The following LRRC37B variants were observed in gnomAD, a reference collection of about 807,000 sequenced individuals.
LRRC37B encodes the protein leucine-rich repeat-containing protein 37B.
In LRRC37B, 28 loss-of-function variants were observed where a neutral mutation model predicts 98.3. The ratio of observed to expected loss-of-function variants is 0.28; its 90% confidence interval spans 0.21 to 0.39. The LOEUF (loss-of-function observed/expected upper bound fraction) is 0.39, where lower values mean the gene tolerates loss of function less well. LRRC37B is among the 10% of genes least tolerant of loss of function. The probability of loss-of-function intolerance (pLI) is 1.00; values close to 1 mark genes in which losing one functional copy is unlikely to be tolerated. For missense variants in LRRC37B, 938 were observed against 1,182.7 expected (o/e 0.79, Z 3.03); for synonymous variants, 364 against 442.7 (o/e 0.82, Z 2.23).
chr17:32,019,527 A>G (rs1279952447), upstream of LRRC37B, among the ~76,000 whole-genome samples: 1 of 152,240 alleles, frequency 6.6e-6, no homozygotes, highest in African/African-American at 2.4e-5. Flanking sequence ...TTAAATTTCT[A>G]AATTAATCTC....
chr17:32,044,827 CTG>C (rs1337426455), intron 7 of LRRC37B, among the ~76,000 whole-genome samples: 1 of 152,188 alleles, frequency 6.6e-6, no homozygotes, highest in Non-Finnish European at 1.5e-5. Context: ...GGGGTCGAGG[CTG>C]CAGTTAGCTA....
intron 7 of LRRC37B, among the ~76,000 whole-genome samples, chr17:32,045,222 A>G (rs1397508119): frequency 6.6e-6 from 1 of 152,150 alleles, no homozygotes; most frequent in Non-Finnish European, 1.5e-5. Flanking sequence ...AGATTTGGCC[A>G]ATGCAATCTC....
In LRRC37B at chr17:32,041,170, G is replaced by A. The variant is rs752930679; in HGVS notation, c.2205-4530G>A. 1.3e-5 allele frequency: 10 copies of A among 771,388 alleles called. No individual in the cohort carries two copies. In the Middle Eastern group the frequency reaches 9.1e-4, roughly 70 times the overall value. The allele number at this position is 771,388 out of a possible 1,614,324, so 47.8% of individuals were successfully genotyped here. A position where few individuals can be genotyped will look rare whatever the true frequency, so the allele number is the denominator to read the frequency against. ...CGCAGGATGCGGGAAGCTTCCTCAC[G>A]CCCCAAGCGGGAGTATAAGCCCAAG... On this transcript the variant is annotated intron_variant, in intron 7 of 11. Coordinates refer to ENST00000327564, the Ensembl canonical transcript of LRRC37B.
At chr17:32,017,803 G>A (rs74819768), upstream of LRRC37B, among the ~76,000 whole-genome samples, 2,942 of 152,102 alleles carry the variant, frequency 0.019, 83 homozygotes, top group African/African-American at 0.065. Context: ...AAAAAAAACA[G>A]AAAACAAACA....
At chr17:32,048,407 AC>A (rs1184595902) in intron 9 of LRRC37B, among the ~76,000 whole-genome samples, 1 of 147,774 alleles carries the variant, frequency 6.8e-6, no homozygotes, top group Non-Finnish European at 1.5e-5. Flanking sequence ...AGTGGGAAAC[AC>A]CATCTACACC....
At chr17:32,051,777 A>G (rs1431072063) in intron 11 of LRRC37B, 1 of 152,268 alleles carries the variant, frequency 6.6e-6, no homozygotes, top group Non-Finnish European at 1.5e-5. Context: ...TTGAGAATTG[A>G]CATCTGTACG....
intron 1 of LRRC37B, among the ~76,000 whole-genome samples, chr17:32,013,956 T>G (rs565581257): frequency 6.6e-6 from 1 of 152,238 alleles, no homozygotes; most frequent in East Asian, 1.9e-4. Context: ...GACCAGTTAT[T>G]CCTCCTTCAA....
At chr17:32,046,091 T>G (rs1429001328) in intron 8 of LRRC37B, among the ~76,000 whole-genome samples, 1 of 152,240 alleles carries the variant, frequency 6.6e-6, no homozygotes, top group Admixed American at 6.5e-5. Context: ...ATCCACACAC[T>G]GTGTACTGTG....
chr17:32,021,246 C>A, exon 1 of LRRC37B: 1 of 1,612,736 alleles, frequency 6.2e-7, no homozygotes, highest in South Asian at 1.1e-5. Context: ...GGTCAAGGAC[C>A]CGCTCCAGCT....
At chr17:32,013,254 C>T (rs1475925034) in intron 1 of LRRC37B, among the ~76,000 whole-genome samples, 1 of 152,178 alleles carries the variant, frequency 6.6e-6, no homozygotes, top group Non-Finnish European at 1.5e-5. Flanking sequence ...ATCTGCCCAC[C>T]TCAGCCTCCC....
At chr17:32,037,151 T>G (rs1195438237) in intron 7 of LRRC37B, among the ~76,000 whole-genome samples, 1 of 151,890 alleles carries the variant, frequency 6.6e-6, no homozygotes, top group Non-Finnish European at 1.5e-5. Context: ...CAGCTAATTT[T>G]TATATTTTTA....
intron 7 of LRRC37B, chr17:32,042,004 A>C (rs1911453950): frequency 2.8e-6 from 1 of 357,822 alleles, no homozygotes; most frequent in African/African-American, 2.1e-5. Context: ...AAATCCCTCC[A>C]CAAGCCTGCT....
chr17:32,011,620 C>T (rs532181260), intron 1 of LRRC37B, among the ~76,000 whole-genome samples: 1 of 152,230 alleles, frequency 6.6e-6, no homozygotes, highest in East Asian at 1.9e-4. Flanking sequence ...GCCTCAGCCT[C>T]CCGAGTAGCT....
intron 7 of LRRC37B, chr17:32,041,367 G>A (rs778806126): frequency 8.0e-6 from 6 of 754,578 alleles, no homozygotes; most frequent in Admixed American, 1.7e-5. Flanking sequence ...GGTGCTGTAT[G>A]ACTTCCAGCC....
intron 1 of LRRC37B, among the ~76,000 whole-genome samples, chr17:32,011,345 C>T (rs1193071197): frequency 6.6e-6 from 1 of 151,638 alleles, no homozygotes; most frequent in East Asian, 1.9e-4. Context: ...GCATATATAC[C>T]TCATTTTCTT....
intron 1 of LRRC37B, among the ~76,000 whole-genome samples, chr17:32,010,159 T>C (rs1212519126): frequency 1.3e-5 from 2 of 152,232 alleles, no homozygotes; most frequent in African/African-American, 4.8e-5. Context: ...CTAACAACTC[T>C]GCCTAACCCA....
At chr17:32,017,246 G>A (rs1910664146), upstream of LRRC37B, 1 of 152,174 alleles carries the variant, frequency 6.6e-6, no homozygotes, top group Non-Finnish European at 1.5e-5. Context: ...TTTGTTCACT[G>A]TGTCTGGTGG....
At chr17:32,033,686 T>A (rs7406734) in intron 5 of LRRC37B, among the ~76,000 whole-genome samples, 139,793 of 152,282 alleles carry the variant, frequency 0.92, 64,364 homozygotes, top group East Asian at 1. Context: ...TATTTTTATA[T>A]TTTCTGCAAA....
chr17:32,040,578 G>A lies in LRRC37B; in HGVS notation c.2204+4939G>A, dbSNP rs1384044226. 2.0e-5 allele frequency: 15 copies of A among 767,198 alleles called. No individual in the cohort carries two copies. The Admixed American group carries it at 2.6e-4, about 13-fold the overall frequency. The allele number at this position is 767,198 out of a possible 1,614,324, so 47.5% of individuals were successfully genotyped here. A position where few individuals can be genotyped will look rare whatever the true frequency, so the allele number is the denominator to read the frequency against. ...CAGCAAGGCGGTGACGGAAATGCTG[G>A]CAAGGACCATCAAGTACCTGCAGCC... On this transcript the variant is annotated intron_variant, in intron 7 of 11. Transcript: ENST00000327564.
Sources: gnomAD v4.1 joint callset for allele counts (sites outside exome capture counted in the v4.1 genomes callset) on GRCh38, gnomAD v4.1.1 for gene constraint, MANE v1.5 for transcripts, NCBI Gene and HGNC (gene_info 2026-07-23, HGNC 2026-07-21) for gene names.